The following UGGT1 variants were observed in gnomAD, a reference collection of about 807,000 sequenced individuals.
The protein encoded by UGGT1 is UDP-glucose glycoprotein glucosyltransferase 1.
UGGT1 carries 107 observed loss-of-function variants against 203.9 expected under a neutral mutation model. That is an observed-to-expected ratio of 0.52 (90% CI 0.45 to 0.62). UGGT1 has a LOEUF of 0.62. Among genes scored for constraint, UGGT1 ranks in the 20% least tolerant of loss-of-function variants. UGGT1 has a pLI of 0.00. For missense variants in UGGT1, 1,673 were observed against 1,867.2 expected (o/e 0.90, Z 1.92); for synonymous variants, 628 against 653.5 (o/e 0.96, Z 0.59).
At chr2:128,176,673 C>A (rs193275583) in intron 31 of UGGT1, 141 bp from the exon 32 acceptor site, 13 of 782,396 alleles carry the variant, frequency 1.7e-5, no homozygotes, top group Non-Finnish European at 2.6e-5. Flanking sequence ...CTGTGCAGCT[C>A]GAAGGAGCTT....
chr2:128,138,710 C>T lies in UGGT1; in HGVS notation c.1584-7C>T, dbSNP rs1270298943. The T allele has an allele frequency of 6.2e-7, 1 of 1,600,554 alleles. No homozygotes were observed. Among genetic ancestry groups the T allele is most frequent in the African/African-American group, 1.4e-5 (1 of 74,014 alleles). On this transcript the variant is annotated splice_region_variant and splice_polypyrimidine_tract_variant and intron_variant, in intron 15 of 40. Transcript: ENST00000259253. ...TGTTTCTTTTTTTCTTTTCCCTTTC[C>T]CTCCAGAATTGGTTTTATCTTTGTG...
intron 15 of UGGT1, 90 bp downstream of exon 15, chr2:128,135,051 A>G: frequency 8.9e-7 from 1 of 1,117,498 alleles, no homozygotes; most frequent in Non-Finnish European, 1.3e-6. Context: ...ACTGAGTTGT[A>G]GGATAATTAA....
chr2:128,112,474 T>TATATATATATATATATATATATATATATA (rs1687915322), intron 5 of UGGT1, among the ~76,000 whole-genome samples: 1 of 32,494 alleles, frequency 3.1e-5, no homozygotes, highest in African/African-American at 6.9e-5. Context: ...ATATATATAT[T>TATATATATATATATATATATATATATATA]ACATACATAC....
At chr2:128,096,025 G>T (rs915455383) in intron 1 of UGGT1, among the ~76,000 whole-genome samples, 1 of 152,152 alleles carries the variant, frequency 6.6e-6, no homozygotes, top group Non-Finnish European at 1.5e-5. Context: ...GGGGAGGTCC[G>T]ATTAGGGTTC....
chr2:128,189,700 GTTCTCC>G lies in UGGT1; in HGVS notation c.4643-14_4643-9del, dbSNP rs570026319. On this transcript the variant is annotated splice_polypyrimidine_tract_variant and intron_variant, in intron 40 of 40. Coordinates refer to ENST00000259253, the MANE Select transcript of UGGT1 (RefSeq NM_020120.4). ...AAGATCATCTGTTTTCTTTTCTGTG[GTTCTCC>G]TTTTCCTTAGGTCCTCAGAAACGTG... The G allele has an allele frequency of 9.0e-4, 1,449 of 1,609,746 alleles. 10 individuals are homozygous for G. The African/African-American group carries it at 0.014, about 16-fold the overall frequency.
At position 128,121,314 on chromosome 2, in the gene UGGT1, G is replaced by T. The variant is rs1688369506; in HGVS notation, c.1073+16G>T. 3.2e-6 allele frequency: 5 copies of T among 1,573,116 alleles called. No individual in the cohort carries two copies. The highest frequency in any genetic ancestry group is 1.7e-4 in the Middle Eastern group (1 of 5,904). On this transcript the variant is annotated intron_variant, in intron 10 of 40. Transcript: ENST00000259253. ...CCAAAGCCAGGTAATGTAGAATAAT[G>T]CTCTTCTCCTTAACATCATACCCAG...
In UGGT1 at chr2:128,117,719, AT is replaced by A. The variant is rs957413168; in HGVS notation, c.872+1387del. 9.2e-4 allele frequency among the ~76,000 whole-genome samples: 131 copies of A among 142,552 alleles called. 1 individual carries two copies. The highest frequency in any genetic ancestry group is 3.8e-3 in the Middle Eastern group (1 of 266). The allele number at this position is 142,552 out of a possible 152,430, so 93.5% of individuals were successfully genotyped here. ...CCACCACACCCGGCTAATTTTTTGT[AT>A]TTTTTTTTTTAGTAGAGATGGGGTT... On this transcript the variant is annotated intron_variant, in intron 8 of 40. Transcript: ENST00000259253.
chr2:128,175,167 T>C (rs1369749168), intron 31 of UGGT1, among the ~76,000 whole-genome samples: 2 of 152,142 alleles, frequency 1.3e-5, no homozygotes, highest in African/African-American at 4.8e-5. Flanking sequence ...GATGAGAAAC[T>C]TGAAGAAAGG....
chr2:128,121,401 G>GT, intron 10 of UGGT1, 103 bp downstream of exon 10: 1 of 463,286 alleles, frequency 2.2e-6, no homozygotes. Flanking sequence ...AGAAAATTAA[G>GT]ATTCTTTTTT....
chr2:128,120,480 T>C (rs368495974), intron 9 of UGGT1, 24 bp downstream of exon 9: 11 of 1,590,602 alleles, frequency 6.9e-6, no homozygotes, highest in African/African-American at 5.4e-5. Context: ...GGAGAGGTCA[T>C]TGGCCTACTT....
intron 38 of UGGT1, 148 bp downstream of exon 38, chr2:128,183,937 T>TGTGTGTGTGTGTGTGAGTGA: frequency 6.1e-6 from 2 of 326,392 alleles, no homozygotes; most frequent in Non-Finnish European, 1.1e-5. Flanking sequence ...TGTGTGTGTG[T>TGTGTGTGTGTGTGTGAGTGA]GAGAGAGAGA....
chr2:128,095,390 C>T (rs10928802), intron 1 of UGGT1, among the ~76,000 whole-genome samples: 129,148 of 144,894 alleles, frequency 0.89, 58,547 homozygotes, highest in Non-Finnish European at 0.98. Flanking sequence ...TTCCCCTTCC[C>T]CTTCTCCTTC....
chr2:128,151,197 C>CTTCTATT (rs1689946420), intron 18 of UGGT1: 2 of 541,640 alleles, frequency 3.7e-6, no homozygotes, highest in Non-Finnish European at 7.0e-6. Flanking sequence ...TCCCCATAGC[C>CTTCTATT]TTCTATTTTA....
chr2:128,104,729 C>G (rs1488634378), intron 3 of UGGT1, among the ~76,000 whole-genome samples: 2 of 152,110 alleles, frequency 1.3e-5, no homozygotes, highest in East Asian at 3.8e-4. Flanking sequence ...TCACTGCAAC[C>G]TCCATCTCCC....
At chr2:128,131,404 C>T (rs558020977) in intron 13 of UGGT1, among the ~76,000 whole-genome samples, 1 of 152,284 alleles carries the variant, frequency 6.6e-6, no homozygotes, top group Admixed American at 6.5e-5. Flanking sequence ...GGAATGCAAT[C>T]ATAGCTCACC....
intron 37 of UGGT1, among the ~76,000 whole-genome samples, chr2:128,183,351 A>G (rs1460936775): frequency 6.6e-6 from 1 of 152,246 alleles, no homozygotes; most frequent in Non-Finnish European, 1.5e-5. Flanking sequence ...TGAAGACATC[A>G]TCAGGATATC....
At chr2:128,160,899 C>G (rs1474859647) in intron 24 of UGGT1, among the ~76,000 whole-genome samples, 1 of 152,186 alleles carries the variant, frequency 6.6e-6, no homozygotes, top group African/African-American at 2.4e-5. Flanking sequence ...TTAATGAAAA[C>G]TACTTTACGA....
At chr2:128,115,397 G>T (rs1220333315) in intron 7 of UGGT1, among the ~76,000 whole-genome samples, 177 bp downstream of exon 7, 1 of 149,638 alleles carries the variant, frequency 6.7e-6, no homozygotes, top group Non-Finnish European at 1.5e-5. Flanking sequence ...GTTTTCTCTT[G>T]TGTAAAGTAC....
rs1690104728 is a variant in UGGT1 at position 128,153,980 on chromosome 2, GGTT to G, written c.2137+1080_2137+1082del. On this transcript the variant is annotated intron_variant, in intron 19 of 40. Coordinates refer to ENST00000259253, the MANE Select transcript of UGGT1 (RefSeq NM_020120.4). The stretch of plus-strand genomic sequence containing the variant: ...ATAATGAACATATCAATCTATTTAT[GGTT>G]GTTAACGTAATGCACTATCTCTAAT... Among the ~76,000 whole-genome samples, 2 of 151,924 alleles carry G rather than the reference GGTT, an allele frequency of 1.3e-5. 1 individual carries two copies. The highest frequency in any genetic ancestry group is 4.2e-4 in the South Asian group (2 of 4,814).
Sources: allele counts gnomAD v4.1 joint callset (sites outside exome capture counted in the v4.1 genomes callset), GRCh38; gene constraint gnomAD v4.1.1; transcripts MANE v1.5; gene names NCBI Gene and HGNC (gene_info 2026-07-23, HGNC 2026-07-21).